ERBB4: variants seen among roughly 807,000 people sequenced by gnomAD.
ERBB4 encodes receptor tyrosine-protein kinase erbB-4.
In ERBB4, 42 loss-of-function variants were observed where a neutral mutation model predicts 158.0. The observed-to-expected ratio is 0.27, with a 90% CI of 0.21 to 0.34. ERBB4 has a LOEUF of 0.34. Ranked by LOEUF, ERBB4 falls within the 10% of genes least tolerant of loss-of-function variation. ERBB4 has a pLI of 1.00. For synonymous variants in ERBB4, 583 were observed against 558.7 expected, an observed-to-expected ratio of 1.04 and a Z score of -0.61; for missense variants, 1,333 against 1,624.1, an observed-to-expected ratio of 0.82 and a Z score of 3.08.
chr2:211,509,754 T>C (rs979787455), intron 20 of ERBB4, among the ~76,000 whole-genome samples: 2 of 151,594 alleles, frequency 1.3e-5, no homozygotes, highest in African/African-American at 2.4e-5. Context: ...ACAAGAAAAA[T>C]AACCAAACCC....
At chr2:212,097,507 G>A (rs1347512717) in intron 2 of ERBB4, among the ~76,000 whole-genome samples, 1 of 152,192 alleles carries the variant, frequency 6.6e-6, no homozygotes, top group Non-Finnish European at 1.5e-5. Context: ...CTAAGGCACA[G>A]ATATTCAGAA....
At chr2:211,928,733 T>C (rs1352527283) in intron 3 of ERBB4, among the ~76,000 whole-genome samples, 2 of 152,186 alleles carry the variant, frequency 1.3e-5, no homozygotes, top group Non-Finnish European at 1.5e-5. Context: ...AAACTATGTC[T>C]GTCTTGTGAA....
intron 1 of ERBB4, among the ~76,000 whole-genome samples, chr2:212,389,086 G>A (rs79670504): frequency 6.6e-6 from 1 of 152,014 alleles, no homozygotes. Context: ...CGCCTTTATG[G>A]GGCAAAATCT....
At chr2:212,122,701 C>T (rs1396492602) in intron 2 of ERBB4, among the ~76,000 whole-genome samples, 3 of 151,858 alleles carry the variant, frequency 2.0e-5, no homozygotes, top group Non-Finnish European at 4.4e-5. Flanking sequence ...TTTCATATTG[C>T]TAAAGGTTAA....
chr2:211,570,325 C>CTTTTTTTTTTTT (rs769458178), intron 19 of ERBB4, among the ~76,000 whole-genome samples: 19 of 105,214 alleles, frequency 1.8e-4, no homozygotes, highest in African/African-American at 5.9e-4. Context: ...CTAATTTTTG[C>CTTTTTTTTTTTT]TTTTTTTTTT....
chr2:212,259,853 T>C (rs2084869963), intron 1 of ERBB4, among the ~76,000 whole-genome samples: 1 of 152,242 alleles, frequency 6.6e-6, no homozygotes, highest in East Asian at 1.9e-4. Context: ...GTGGATCACC[T>C]GAGGTCAGGA....
rs761773013 is a variant in ERBB4 at position 211,679,109 on chromosome 2, G to A, written c.1565C>T (p.Ser522Leu). 1.2e-5 allele frequency: 20 copies of A among 1,613,128 alleles called. No homozygotes were observed. Among genetic ancestry groups the A allele is most frequent in the South Asian group, 2.2e-5 (2 of 91,022 alleles). ...CCTTCCTCTACTGAAGCGGCGACAC[G>A]ACAGACATTGGTCTGGCCCAGGTCC... ...CWGPGPDQCL[S>L]CRRFSRGRIC... The change falls in exon 13 of 28, where the codon TCG becomes TTG. Residue 522 changes from serine (S) to leucine (L), a missense_variant. Around this residue, in one of 5 missense-constraint regions of ERBB4, gnomAD observed 245 missense variants for 247.5 expected, o/e 0.99. Coordinates refer to ENST00000342788, the MANE Select transcript of ERBB4 (RefSeq NM_005235.3).
intron 2 of ERBB4, among the ~76,000 whole-genome samples, chr2:212,075,508 G>T (rs1320665536): frequency 6.6e-6 from 1 of 151,836 alleles, no homozygotes; most frequent in Non-Finnish European, 1.5e-5. Flanking sequence ...CTTCATCTTT[G>T]TGGGTAGTAT....
chr2:211,741,103 T>C (rs890757511), intron 5 of ERBB4, among the ~76,000 whole-genome samples: 1 of 152,304 alleles, frequency 6.6e-6, no homozygotes, highest in African/African-American at 2.4e-5. Flanking sequence ...GTAGCCAAAA[T>C]AGTATGGCTG....
At chr2:211,428,172 C>G (rs189867278) in intron 22 of ERBB4, among the ~76,000 whole-genome samples, 1 of 151,058 alleles carries the variant, frequency 6.6e-6, no homozygotes, top group Non-Finnish European at 1.5e-5. Context: ...TGTATACCTA[C>G]GCAACAAACC....
chr2:211,982,278 T>C (rs1218344318), intron 2 of ERBB4, among the ~76,000 whole-genome samples: 1 of 152,142 alleles, frequency 6.6e-6, no homozygotes, highest in Non-Finnish European at 1.5e-5. Flanking sequence ...ACAATCAGTG[T>C]TACTAAAACG....
chr2:212,316,298 G>C (rs1011608709), intron 1 of ERBB4, among the ~76,000 whole-genome samples: 1 of 151,200 alleles, frequency 6.6e-6, no homozygotes, highest in African/African-American at 2.4e-5. Context: ...ACACTGCAAG[G>C]GTGCCCTTTT....
At chr2:212,458,904 G>T (rs1688435855) in intron 1 of ERBB4, among the ~76,000 whole-genome samples, 1 of 152,122 alleles carries the variant, frequency 6.6e-6, no homozygotes, top group African/African-American at 2.4e-5. Context: ...TTCATGTTTG[G>T]ACCCATTGTG....
intron 4 of ERBB4, among the ~76,000 whole-genome samples, chr2:211,771,867 C>T (rs887662330): frequency 4.6e-5 from 7 of 152,092 alleles, no homozygotes. Flanking sequence ...CCTACCATTA[C>T]CTTTACAGGG....
At chr2:211,755,056 G>A (rs78696924) in intron 4 of ERBB4, among the ~76,000 whole-genome samples, 6 of 152,196 alleles carry the variant, frequency 3.9e-5, no homozygotes, top group Admixed American at 2.0e-4. Context: ...TACTAAAAAC[G>A]AAGAATCTGA....
intron 1 of ERBB4, among the ~76,000 whole-genome samples, chr2:212,205,586 A>G (rs1168076653): frequency 1.3e-5 from 2 of 152,212 alleles, no homozygotes; most frequent in Non-Finnish European, 2.9e-5. Context: ...ATTCCAAAAA[A>G]TCCTCAAATA....
chr2:211,808,020 T>C (rs1466980197), intron 3 of ERBB4, among the ~76,000 whole-genome samples: 1 of 152,246 alleles, frequency 6.6e-6, no homozygotes, highest in Non-Finnish European at 1.5e-5. Flanking sequence ...AGATTCTGGA[T>C]ATTAGCCCTT....
chr2:211,913,799 A>C (rs1437737825), intron 3 of ERBB4, among the ~76,000 whole-genome samples: 1 of 151,790 alleles, frequency 6.6e-6, no homozygotes, highest in African/African-American at 2.4e-5. Context: ...ATTGACTATG[A>C]GTGTATCAAT....
intron 17 of ERBB4, among the ~76,000 whole-genome samples, chr2:211,629,148 A>G (rs1317174609): frequency 6.6e-6 from 1 of 152,162 alleles, no homozygotes; most frequent in Non-Finnish European, 1.5e-5. Context: ...AGAAAACCCA[A>G]TCATATCAGC....
Sources: gnomAD v4.1 joint callset for allele counts (sites outside exome capture counted in the v4.1 genomes callset) on GRCh38, gnomAD v4.1.1 for gene constraint, gnomAD v4.1.1 regional missense constraint, MANE v1.5 for transcripts, NCBI Gene and HGNC (gene_info 2026-07-23, HGNC 2026-07-21) for gene names.